Variants in TSPAN11 observed in about 807,000 individuals in gnomAD.
TSPAN11 encodes tetraspanin 11.
Under a neutral mutation model 32.9 loss-of-function variants are expected in TSPAN11, and 29 were observed. The observed-to-expected ratio is 0.88, with a 90% confidence interval of 0.66 to 1.20. The LOEUF is 1.20. Among genes scored for constraint, TSPAN11 ranks in the 50% most tolerant of loss-of-function variants. The probability of loss-of-function intolerance (pLI) is 0.00; values close to 1 mark genes in which losing one functional copy is unlikely to be tolerated. For synonymous variants in TSPAN11, 140 were observed against 141.3 expected, an observed-to-expected ratio of 0.99 and a Z score of 0.07; for missense variants, 283 against 329.1, an observed-to-expected ratio of 0.86 and a Z score of 1.08.
intron 1 of TSPAN11, among the ~76,000 whole-genome samples, chr12:30,952,342 A>G (rs1341190969): frequency 2.0e-5 from 3 of 152,178 alleles, no homozygotes; most frequent in Non-Finnish European, 2.9e-5. Flanking sequence ...AATCGCTCCC[A>G]TTAGATCCCC....
At chr12:30,971,749 C>CA (rs35326679) in intron 3 of TSPAN11, among the ~76,000 whole-genome samples, 2,240 of 138,098 alleles carry the variant, frequency 0.016, 17 homozygotes, top group Middle Eastern at 0.018. Context: ...GACCCTATCT[C>CA]AAAAAAAAAA....
At chr12:30,978,297 G>A (rs1040574709) in intron 3 of TSPAN11, 15 of 443,978 alleles carry the variant, frequency 3.4e-5, no homozygotes, top group African/African-American at 2.5e-4. Flanking sequence ...TCTTACTTAC[G>A]CTACCTGGCA....
At chr12:30,985,689 C>T (rs761917254) in intron 7 of TSPAN11, among the ~76,000 whole-genome samples, 51 of 152,234 alleles carry the variant, frequency 3.4e-4, no homozygotes, top group Non-Finnish European at 6.8e-4. Context: ...TCTTCTTCAC[C>T]TCTCTGGCCT....
chr12:30,991,466 C>T (rs1012430707), intron 7 of TSPAN11, among the ~76,000 whole-genome samples: 2 of 152,202 alleles, frequency 1.3e-5, no homozygotes, highest in African/African-American at 4.8e-5. Flanking sequence ...TTAAATCAGG[C>T]CATCTCTGGA....
chr12:31,001,158 T>C (rs775116834), downstream of TSPAN11, among the ~76,000 whole-genome samples: 2 of 152,220 alleles, frequency 1.3e-5, no homozygotes, highest in Non-Finnish European at 2.9e-5. Context: ...ATGGCTCCCA[T>C]TGCTCTCAGC....
intron 3 of TSPAN11, among the ~76,000 whole-genome samples, chr12:30,976,915 C>T (rs757489428): frequency 1.3e-5 from 2 of 152,192 alleles, no homozygotes; most frequent in Admixed American, 6.5e-5. Context: ...CCTGATGCAG[C>T]GAAGAGCCTG....
chr12:30,961,480 C>T (rs1376888161), intron 2 of TSPAN11, among the ~76,000 whole-genome samples: 1 of 151,948 alleles, frequency 6.6e-6, no homozygotes, highest in Non-Finnish European at 1.5e-5. Context: ...TTCTGCCCTC[C>T]CGTGACCCCC....
chr12:31,014,427 A>G, the TSPAN11 span, among the ~76,000 whole-genome samples: 2 of 152,270 alleles, frequency 1.3e-5, no homozygotes, highest in African/African-American at 4.8e-5. Flanking sequence ...AATATCTCCA[A>G]TGTTACATAA....
intron 1 of TSPAN11, among the ~76,000 whole-genome samples, chr12:30,928,111 TTGGACTCG>T (rs1257316112): frequency 1.3e-5 from 2 of 152,124 alleles, no homozygotes; most frequent in Non-Finnish European, 2.9e-5. Flanking sequence ...ATACCCACCT[TTGGACTCG>T]TGTGTAAAAT....
At position 30,978,586 on chromosome 12, in the gene TSPAN11, T is replaced by C. The variant is rs1253926735; in HGVS notation, c.302T>C (p.Phe101Ser). ...STYFCLLLVI[F>S]LVELVAGVLA... ...TATTTCTGCCTGTTGCTCGTCATCT[T>C]CCTGGTTGAGCTGGTGGCGGGAGTC... Residue 101 changes from phenylalanine to serine, a missense_variant, in exon 4 of 8, where the codon TTC becomes TCC. Phe to Ser is a radical substitution (Grantham distance 155). Coordinates refer to ENST00000546076, the MANE Select transcript of TSPAN11 (RefSeq NM_001370302.1). 1.2e-6 allele frequency: 2 copies of C among 1,614,242 alleles called. No homozygotes were observed. Among genetic ancestry groups the C allele is most frequent in the Non-Finnish European group, 1.7e-6 (2 of 1,180,034 alleles).
chr12:30,996,319 T>C lies in TSPAN11; in HGVS notation c.*4404T>C, dbSNP rs1222053826. On this transcript the variant is annotated 3_prime_UTR_variant, in exon 8 of 8. Transcript: ENST00000546076. Reference sequence around the variant, plus strand: ...TATTTCAGCAGTGCCCAGTCCTGCTTATAAACCTGAGGCCTGCTCCCCATA... The same window carrying C: ...TATTTCAGCAGTGCCCAGTCCTGCTCATAAACCTGAGGCCTGCTCCCCATA... 1 of 152,204 alleles carries C rather than the reference T, an allele frequency of 6.6e-6. No individual in the cohort carries two copies. The highest frequency in any genetic ancestry group is 1.5e-5 in the Non-Finnish European group (1 of 68,050). 9.4% of individuals were successfully genotyped at this position (152,204 alleles called of 1,614,324 possible).
At chr12:30,948,105 C>A (rs544296001) in intron 1 of TSPAN11, among the ~76,000 whole-genome samples, 10 of 152,330 alleles carry the variant, frequency 6.6e-5, no homozygotes, top group Admixed American at 3.3e-4. Context: ...CCAGCTCTCA[C>A]ATCCAGGTCA....
intron 3 of TSPAN11, among the ~76,000 whole-genome samples, chr12:30,972,920 G>C (rs545920324): frequency 6.6e-6 from 1 of 151,968 alleles, no homozygotes; most frequent in Non-Finnish European, 1.5e-5. Flanking sequence ...CGCCCAGGGA[G>C]GGCTTCCCTG....
At chr12:30,980,635 C>T (rs1592493066) in intron 5 of TSPAN11, among the ~76,000 whole-genome samples, 1 of 151,980 alleles carries the variant, frequency 6.6e-6, no homozygotes, top group African/African-American at 2.4e-5. Flanking sequence ...AGCTGTGAGC[C>T]CCAGCGGCGT....
intron 5 of TSPAN11, among the ~76,000 whole-genome samples, chr12:30,982,299 A>T (rs1462357000): frequency 6.6e-6 from 1 of 152,210 alleles, no homozygotes; most frequent in Non-Finnish European, 1.5e-5. Context: ...GTGGCTAAAA[A>T]GCTGGCAAGC....
chr12:31,002,974 A>G, the TSPAN11 span, among the ~76,000 whole-genome samples: 1 of 152,094 alleles, frequency 6.6e-6, no homozygotes, highest in Admixed American at 6.5e-5. The surrounding 1 kb of genome is among the most constrained non-coding windows in gnomAD (Gnocchi z 4.8). Context: ...AGCCGCCCGG[A>G]GGCAGTTCTC....
intron 3 of TSPAN11, among the ~76,000 whole-genome samples, chr12:30,972,899 G>A (rs12824513): frequency 0.33 from 49,852 of 151,620 alleles, 8,446 homozygotes; most frequent in Admixed American, 0.36. Context: ...GGGCAGTGAC[G>A]GATGCTTATG....
chr12:30,979,886 G>A (rs1412096062), intron 5 of TSPAN11, among the ~76,000 whole-genome samples: 1 of 152,208 alleles, frequency 6.6e-6, no homozygotes, highest in Non-Finnish European at 1.5e-5. Flanking sequence ...GTTGAAGCCT[G>A]GTTCCTCTCC....
At chr12:30,956,751 C>T (rs776999092) in intron 2 of TSPAN11, among the ~76,000 whole-genome samples, 11 of 152,210 alleles carry the variant, frequency 7.2e-5, no homozygotes, top group African/African-American at 2.7e-4. Flanking sequence ...CGGTGCCCAT[C>T]GCCCCTGCAA....
Sources: allele counts gnomAD v4.1 joint callset (sites outside exome capture counted in the v4.1 genomes callset), GRCh38; gene constraint gnomAD v4.1.1; non-coding constraint Gnocchi (gnomAD v3.1); transcripts MANE v1.5; gene names NCBI Gene and HGNC (gene_info 2026-07-23, HGNC 2026-07-21).